Variants in RNF180 observed in about 807,000 individuals in gnomAD.
The protein encoded by RNF180 is ring finger protein 180.
Under a neutral mutation model 59.2 loss-of-function variants are expected in RNF180, and 38 were observed. The observed-to-expected ratio is 0.64, with a 90% CI of 0.50 to 0.84. The LOEUF (loss-of-function observed/expected upper bound fraction) is 0.84, where lower values mean the gene tolerates loss of function less well. Among genes scored for constraint, RNF180 ranks in the 40% least tolerant of loss-of-function variants. The pLI is 0.00. For synonymous variants in RNF180, 262 were observed against 240.3 expected, an observed-to-expected ratio of 1.09 and a Z score of -0.84; for missense variants, 705 against 700.9, an observed-to-expected ratio of 1.01 and a Z score of -0.07.
intron 7 of RNF180, among the ~76,000 whole-genome samples, chr5:64,359,205 G>A (rs1021326642): frequency 1.5e-4 from 23 of 151,024 alleles, no homozygotes; most frequent in Non-Finnish European, 3.2e-4. Context: ...CTGAGGAATC[G>A]CCACACTGAC....
intron 7 of RNF180, among the ~76,000 whole-genome samples, chr5:64,331,235 C>T (rs1744893252): frequency 1.3e-5 from 2 of 152,184 alleles, no homozygotes; most frequent in South Asian, 4.1e-4. Context: ...ACTGTGGGCA[C>T]CGTGGATGGC....
chr5:64,323,088 T>A (rs1040254759), intron 5 of RNF180, among the ~76,000 whole-genome samples: 3 of 152,092 alleles, frequency 2.0e-5, no homozygotes, highest in African/African-American at 7.2e-5. Context: ...TTAAAATGCA[T>A]AGATTAACAG....
At chr5:64,366,035 C>T (rs187514303) in intron 7 of RNF180, among the ~76,000 whole-genome samples, 118 of 151,318 alleles carry the variant, frequency 7.8e-4, no homozygotes, top group African/African-American at 2.9e-3. Context: ...TTTATTATGC[C>T]AACCTGTTTT....
intron 5 of RNF180, among the ~76,000 whole-genome samples, chr5:64,302,255 G>A (rs759711015): frequency 1.3e-4 from 20 of 151,602 alleles, no homozygotes; most frequent in Non-Finnish European, 2.7e-4. Context: ...CACAAAAGTC[G>A]CTGGTCAATA....
chr5:64,356,107 G>C (rs1354343173), intron 7 of RNF180, among the ~76,000 whole-genome samples: 1 of 151,380 alleles, frequency 6.6e-6, no homozygotes, highest in African/African-American at 2.4e-5. Flanking sequence ...AAAACAAATT[G>C]TAATTAGCTG....
At chr5:64,305,981 A>T (rs1743427785) in intron 5 of RNF180, among the ~76,000 whole-genome samples, 1 of 151,698 alleles carries the variant, frequency 6.6e-6, no homozygotes, top group Admixed American at 6.6e-5. Context: ...CGACAAAATA[A>T]GTCAGATAGC....
intron 2 of RNF180, among the ~76,000 whole-genome samples, chr5:64,204,748 T>C (rs1751930325): frequency 6.6e-6 from 1 of 152,202 alleles, no homozygotes; most frequent in African/African-American, 2.4e-5. Flanking sequence ...GGAAATGTTT[T>C]TTCCTCTCCT....
chr5:64,193,243 A>G (rs944214254), intron 1 of RNF180, among the ~76,000 whole-genome samples: 9 of 152,034 alleles, frequency 5.9e-5, no homozygotes, highest in African/African-American at 2.2e-4. Context: ...GTACAGTATT[A>G]TGCACTTTAA....
At chr5:64,168,222 A>G (rs889375144) in intron 1 of RNF180, among the ~76,000 whole-genome samples, 6 of 152,020 alleles carry the variant, frequency 3.9e-5, no homozygotes, top group African/African-American at 1.4e-4. Context: ...TTGAGTACCT[A>G]TTTTCTTTGC....
chr5:64,369,802 CT>C lies in RNF180; in HGVS notation c.1770del (p.Pro591ArgfsTer11). ...IVFCFLCYFF[F>X]PF Reference sequence around the variant, plus strand: ...TTTTCTGCTTTCTTTGCTATTTTTTCTTTCCGTTTTAGGAATTTCATACCTT... The same window carrying C: ...TTTTCTGCTTTCTTTGCTATTTTTTCTTCCGTTTTAGGAATTTCATACCTT... On this transcript the variant is annotated frameshift_variant, in exon 8 of 8. Transcript: ENST00000389100. LOFTEE classifies it high-confidence loss of function. The C allele has an allele frequency of 6.6e-7, 1 of 1,507,678 alleles. No individual in the cohort carries two copies. The highest frequency in any genetic ancestry group is 2.5e-5 in the East Asian group (1 of 39,906). The allele number at this position is 1,507,678 out of a possible 1,614,324, so 93.4% of individuals were successfully genotyped here. A position where few individuals can be genotyped will look rare whatever the true frequency, so the allele number is the denominator to read the frequency against.
chr5:64,297,057 A>G (rs1339481195), intron 5 of RNF180, among the ~76,000 whole-genome samples: 1 of 152,168 alleles, frequency 6.6e-6, no homozygotes, highest in Non-Finnish European at 1.5e-5. Context: ...TGTATATAAA[A>G]TAAATATTAT....
chr5:64,342,045 AAAC>A (rs1213625622), intron 7 of RNF180, among the ~76,000 whole-genome samples: 5 of 152,218 alleles, frequency 3.3e-5, no homozygotes, highest in Non-Finnish European at 1.5e-5. Flanking sequence ...TACAACGAGA[AAAC>A]AACCACAGAA....
At position 64,369,808 on chromosome 5, in the gene RNF180, G is replaced by A. The variant is rs948071807; in HGVS notation, c.1773G>A (p.Pro591=). Residue 591 remains proline, a synonymous_variant, in exon 8 of 8, where the codon CCG becomes CCA. Coordinates refer to ENST00000389100, the MANE Select transcript of RNF180 (RefSeq NM_001113561.2). The part of the protein sequence containing the change: ...VFCFLCYFFF[P]F ...GCTTTCTTTGCTATTTTTTCTTTCC[G>A]TTTTAGGAATTTCATACCTTACTAC... 1.4e-5 allele frequency: 21 copies of A among 1,487,658 alleles called. No individual in the cohort carries two copies. In the African/African-American group the frequency reaches 1.6e-4, roughly 11 times the overall value. 92.2% of individuals were successfully genotyped at this position (1,487,658 alleles called of 1,614,324 possible). A position where few individuals can be genotyped will look rare whatever the true frequency, so the allele number is the denominator to read the frequency against.
chr5:64,165,456 TG>T (rs1246657453), upstream of RNF180, among the ~76,000 whole-genome samples: 1 of 152,092 alleles, frequency 6.6e-6, no homozygotes, highest in East Asian at 1.9e-4. Flanking sequence ...GTCCTAGGCA[TG>T]GGGATGGGTG....
At chr5:64,293,775 A>G (rs1742733326) in intron 5 of RNF180, among the ~76,000 whole-genome samples, 1 of 152,166 alleles carries the variant, frequency 6.6e-6, no homozygotes. Flanking sequence ...CAAAGAAAGC[A>G]CTGTTTCTTT....
chr5:64,226,666 A>T (rs1015003869), intron 5 of RNF180, among the ~76,000 whole-genome samples: 2 of 143,550 alleles, frequency 1.4e-5, no homozygotes, highest in African/African-American at 5.1e-5. Flanking sequence ...AATAAATACT[A>T]AAAAAAAAAA....
intron 1 of RNF180, among the ~76,000 whole-genome samples, chr5:64,192,447 G>A (rs1224240707): frequency 6.6e-6 from 1 of 152,104 alleles, no homozygotes; most frequent in Non-Finnish European, 1.5e-5. Context: ...GCTGAGGCTG[G>A]CGGATCGTGA....
intron 1 of RNF180, among the ~76,000 whole-genome samples, chr5:64,166,769 G>A (rs1749663989): frequency 6.6e-6 from 1 of 152,166 alleles, no homozygotes; most frequent in African/African-American, 2.4e-5. Flanking sequence ...GAGGCAAAGT[G>A]ATTATATCAA....
At chr5:64,172,856 C>A (rs893012109) in intron 1 of RNF180, among the ~76,000 whole-genome samples, 3 of 152,068 alleles carry the variant, frequency 2.0e-5, no homozygotes, top group Non-Finnish European at 2.9e-5. Context: ...GTTGATTATT[C>A]CAGGTGAAAG....
Sources: allele counts gnomAD v4.1 joint callset (sites outside exome capture counted in the v4.1 genomes callset), GRCh38; gene constraint gnomAD v4.1.1; transcripts MANE v1.5; gene names NCBI Gene and HGNC (gene_info 2026-07-23, HGNC 2026-07-21).